CFAP20DC: variants seen among roughly 807,000 people sequenced by gnomAD.
The protein encoded by CFAP20DC is protein CFAP20DC.
A neutral mutation model predicts 101.7 loss-of-function variants in CFAP20DC; 84 were observed. The observed-to-expected ratio is 0.83, with a 90% CI of 0.69 to 0.99. The LOEUF (loss-of-function observed/expected upper bound fraction) is 0.99, where lower values mean the gene tolerates loss of function less well. CFAP20DC is among the 50% of genes least tolerant of loss of function. The probability of loss-of-function intolerance (pLI) is 0.00; values close to 1 mark genes in which losing one functional copy is unlikely to be tolerated. For missense variants in CFAP20DC, 1,007 were observed against 970.3 expected, an observed-to-expected ratio of 1.04 and a Z score of -0.50; for synonymous variants, 359 against 351.2, an observed-to-expected ratio of 1.02 and a Z score of -0.25.
Position 59,007,620 on chromosome 3 carries a change from C to T in CFAP20DC, c.278+31937G>A, listed in dbSNP as rs1213793730. ...GACTCTCACAGAGCCTACATCACTGCCGTGCTACCTCCACCAGAGCAGGTG... is the reference window on the plus strand; with the variant it reads ...GACTCTCACAGAGCCTACATCACTGTCGTGCTACCTCCACCAGAGCAGGTG... On this transcript the variant is annotated intron_variant, in intron 4 of 16. Coordinates refer to ENST00000482387, the MANE Select transcript of CFAP20DC (RefSeq NM_001394063.1). This position sits in a 1 kb window ranked among gnomAD's most constrained non-coding sequence, Gnocchi z 4.4. Among the ~76,000 whole-genome samples the T allele has an allele frequency of 1.3e-5, 2 of 152,206 alleles. No individual in the cohort carries two copies. Among genetic ancestry groups the T allele is most frequent in the Admixed American group, 6.5e-5 (1 of 15,286 alleles).
At position 58,797,798 on chromosome 3, in the gene CFAP20DC, G is replaced by C. The variant is rs116045513; in HGVS notation, c.2237+8597C>G. Among the ~76,000 whole-genome samples the C allele has an allele frequency of 8.2e-3, 1,243 of 152,254 alleles. 16 individuals are homozygous for C. The highest frequency in any genetic ancestry group is 0.027 in the African/African-American group (1,120 of 41,532). On this transcript the variant is annotated intron_variant, in intron 15 of 16. Transcript: ENST00000482387. ...AGCTGGTGACTTTAAGTTGAAGCCA[G>C]TGGTCATTGACTATTCCAGAAATCC...
chr3:58,813,927 T>A (rs1053252606), intron 14 of CFAP20DC, among the ~76,000 whole-genome samples: 2 of 151,932 alleles, frequency 1.3e-5, no homozygotes, highest in African/African-American at 4.9e-5. Context: ...AATTTGCAAG[T>A]GAAATTTGGT....
At chr3:58,948,304 T>A (rs867753612) in intron 4 of CFAP20DC, among the ~76,000 whole-genome samples, 4 of 152,262 alleles carry the variant, frequency 2.6e-5, no homozygotes, top group South Asian at 2.1e-4. Context: ...GAAATTATAT[T>A]CATCTATCAC....
chr3:58,863,294 A>C lies in CFAP20DC; in HGVS notation c.1593+264T>G. The C allele has an allele frequency of 7.1e-7, 1 of 1,410,674 alleles. No homozygotes were observed. The highest frequency in any genetic ancestry group is 9.2e-7 in the Non-Finnish European group (1 of 1,091,370). The allele number at this position is 1,410,674 out of a possible 1,614,324, so 87.4% of individuals were successfully genotyped here. Reference sequence around the variant, plus strand: ...ATATCGTTTCTCATCCTGTGATTCAAAGATTAAAATGAAAAAACAGAAAGA... The same window carrying C: ...ATATCGTTTCTCATCCTGTGATTCACAGATTAAAATGAAAAAACAGAAAGA... On this transcript the variant is annotated intron_variant, in intron 12 of 16. Coordinates refer to ENST00000482387, the MANE Select transcript of CFAP20DC (RefSeq NM_001394063.1). The surrounding 1 kb of genome is among the most constrained non-coding windows in gnomAD (Gnocchi z 5.9).
chr3:58,943,193 A>G (rs1429422303), intron 4 of CFAP20DC, among the ~76,000 whole-genome samples: 1 of 152,234 alleles, frequency 6.6e-6, no homozygotes, highest in African/African-American at 2.4e-5. Context: ...TGAAGAGAGC[A>G]GCAGATCTCT....
intron 15 of CFAP20DC, among the ~76,000 whole-genome samples, chr3:58,796,758 T>G (rs2073280182): frequency 6.6e-6 from 1 of 152,196 alleles, no homozygotes; most frequent in African/African-American, 2.4e-5. Flanking sequence ...TGGCACCCTG[T>G]GTTGAGCGAG....
intron 3 of CFAP20DC, among the ~76,000 whole-genome samples, chr3:59,040,170 C>A (rs1402834149): frequency 6.6e-6 from 1 of 151,994 alleles, no homozygotes; most frequent in African/African-American, 2.4e-5. Context: ...AATAGAGGAT[C>A]ATATTTTCAT....
chr3:58,866,067 C>T (rs1396735408), intron 11 of CFAP20DC, among the ~76,000 whole-genome samples: 1 of 152,190 alleles, frequency 6.6e-6, no homozygotes, highest in Non-Finnish European at 1.5e-5. Flanking sequence ...ATGCTAGAGA[C>T]ACTAATTGCA....
intron 15 of CFAP20DC, among the ~76,000 whole-genome samples, chr3:58,778,524 A>G (rs1471261951): frequency 2.6e-5 from 4 of 152,210 alleles, no homozygotes; most frequent in African/African-American, 9.7e-5. Context: ...CTTGGGTCCC[A>G]GAGAGTTGTT....
At chr3:58,996,027 G>C (rs1460217694) in intron 4 of CFAP20DC, among the ~76,000 whole-genome samples, 1 of 84,188 alleles carries the variant, frequency 1.2e-5, no homozygotes, top group African/African-American at 4.9e-5. Context: ...TCTATCTATT[G>C]TTTCTGTTGC....
At position 58,913,674 on chromosome 3, in the gene CFAP20DC, G is replaced by A. The variant is rs73840008; in HGVS notation, c.550+34C>T. 10 of 1,606,476 alleles carry A rather than the reference G, an allele frequency of 6.2e-6. No individual in the cohort carries two copies. The Admixed American group carries it at 1.0e-4, about 16-fold the overall frequency. ...TGGCTAATTTTAAAAATACATCAGA[G>A]AATTAAAAAATCTTGATAGCAACCT... On this transcript the variant is annotated intron_variant, in intron 6 of 16. Coordinates refer to ENST00000482387, the MANE Select transcript of CFAP20DC (RefSeq NM_001394063.1). This position sits in a 1 kb window ranked among gnomAD's most constrained non-coding sequence, Gnocchi z 4.4.
At chr3:58,888,244 T>C (rs1250592935) in intron 6 of CFAP20DC, among the ~76,000 whole-genome samples, 3 of 152,234 alleles carry the variant, frequency 2.0e-5, no homozygotes, top group Non-Finnish European at 2.9e-5. Context: ...TATTTACTCA[T>C]TGTGTCATTC....
rs1460608174 is a variant in CFAP20DC at position 58,795,113 on chromosome 3, G to C, written c.2237+11282C>G. On this transcript the variant is annotated intron_variant, in intron 15 of 16. Transcript: ENST00000482387. This position sits in a 1 kb window ranked among gnomAD's most constrained non-coding sequence, Gnocchi z 4.2. ...GAATGGAGGTGATTGTTATAAACTA[G>C]AATTAGTACTTCTATTTTTTTAAAG... Among the ~76,000 whole-genome samples the C allele has an allele frequency of 6.6e-6, 1 of 152,152 alleles. No homozygotes were observed. The highest frequency in any genetic ancestry group is 2.4e-5 in the African/African-American group (1 of 41,436).
chr3:59,004,715 C>T (rs183592499), intron 4 of CFAP20DC, among the ~76,000 whole-genome samples: 1 of 152,336 alleles, frequency 6.6e-6, no homozygotes, highest in East Asian at 1.9e-4. Flanking sequence ...TCAGCTGTGG[C>T]TGCATAGAGG....
At chr3:58,919,516 T>C (rs2107515579) in intron 5 of CFAP20DC, among the ~76,000 whole-genome samples, 1 of 152,308 alleles carries the variant, frequency 6.6e-6, no homozygotes, top group South Asian at 2.1e-4. Flanking sequence ...ATTTTAGAAT[T>C]GGTCTGCTAA....
At chr3:59,025,603 G>C (rs1028334135) in intron 4 of CFAP20DC, among the ~76,000 whole-genome samples, 7 of 152,092 alleles carry the variant, frequency 4.6e-5, no homozygotes, top group African/African-American at 1.7e-4. Context: ...CCATTGTACA[G>C]ATGAGGCTTT....
chr3:58,805,578 C>A (rs1325883185), intron 15 of CFAP20DC, among the ~76,000 whole-genome samples: 1 of 152,210 alleles, frequency 6.6e-6, no homozygotes, highest in African/African-American at 2.4e-5. Flanking sequence ...GCCCACAGTA[C>A]AGGTCAGATG....
At chr3:58,845,013 GTGTGT>G in intron 13 of CFAP20DC, among the ~76,000 whole-genome samples, 1 of 128,526 alleles carries the variant, frequency 7.8e-6, no homozygotes, top group Admixed American at 7.7e-5. Flanking sequence ...ATTCAAAGCA[GTGTGT>G]AGAGGGAAAT....
chr3:58,966,489 T>TATATATAC (rs560664262), intron 4 of CFAP20DC, among the ~76,000 whole-genome samples: 60 of 116,626 alleles, frequency 5.1e-4, no homozygotes, highest in African/African-American at 1.4e-3. Context: ...TATATATATA[T>TATATATAC]ACACATATGT....
Sources: gnomAD v4.1 joint callset for allele counts (sites outside exome capture counted in the v4.1 genomes callset) on GRCh38, gnomAD v4.1.1 for gene constraint, Gnocchi (gnomAD v3.1) non-coding constraint, MANE v1.5 for transcripts, NCBI Gene and HGNC (gene_info 2026-07-23, HGNC 2026-07-21) for gene names.